NINJ2: variants seen among roughly 807,000 people sequenced by gnomAD.
The protein encoded by NINJ2 is ninjurin 2.
In NINJ2, 12 loss-of-function variants were observed where a neutral mutation model predicts 11.7. That is an observed-to-expected ratio of 1.02 (90% CI 0.66 to 1.66). The LOEUF is 1.66. Ranked by LOEUF, NINJ2 falls within the 40% of genes most tolerant of loss-of-function variation. NINJ2 has a pLI of 0.00. For missense variants in NINJ2, 187 were observed against 181.8 expected, an observed-to-expected ratio of 1.03 and a Z score of -0.16; for synonymous variants, 93 against 76.8, an observed-to-expected ratio of 1.21 and a Z score of -1.10.
intron 1 of NINJ2, among the ~76,000 whole-genome samples, chr12:652,510 C>A (rs1296533626): frequency 1.3e-5 from 2 of 152,060 alleles, no homozygotes; most frequent in Admixed American, 1.3e-4. Flanking sequence ...GCAGGCAGAT[C>A]ACTTGAGGCC....
chr12:642,683 G>C (rs558499052), intron 1 of NINJ2: 1 of 152,524 alleles, frequency 6.6e-6, no homozygotes, highest in Admixed American at 6.5e-5. Context: ...GGGAGTGGGG[G>C]ATCCGGGGGA....
intron 1 of NINJ2, among the ~76,000 whole-genome samples, chr12:655,637 G>A (rs1366813752): frequency 6.6e-6 from 1 of 152,204 alleles, no homozygotes; most frequent in African/African-American, 2.4e-5. Context: ...AAGGGGACAA[G>A]CGCGGTGGCT....
At chr12:601,548 CAAA>C (rs1170244744) in intron 1 of NINJ2, among the ~76,000 whole-genome samples, 1 of 140,130 alleles carries the variant, frequency 7.1e-6, no homozygotes, top group African/African-American at 2.7e-5. Context: ...GACTCCGTCT[CAAA>C]AAAAAAAAAA....
chr12:571,970 C>T lies in NINJ2; in HGVS notation c.34-5792G>A, dbSNP rs1020527581. ...GGGCCTGTGGCAGGCAGTGTGTGTC[C>T]CAAGGGAAGTATAGGCATGGTGAGG... On this transcript the variant is annotated intron_variant, in intron 1 of 3. Coordinates refer to ENST00000305108, the MANE Select transcript of NINJ2 (RefSeq NM_016533.6). 3.3e-5 allele frequency among the ~76,000 whole-genome samples: 5 copies of T among 152,156 alleles called. No individual in the cohort carries two copies. The East Asian group carries it at 7.7e-4, about 23-fold the overall frequency.
At chr12:631,063 C>T (rs1384190998) in intron 1 of NINJ2, 1 of 152,236 alleles carries the variant, frequency 6.6e-6, no homozygotes, top group African/African-American at 2.4e-5. Flanking sequence ...GGGGAGTGGG[C>T]TCAGTAATGG....
rs1164230214 is a variant in NINJ2, at chr12:657,988, C to CTTTT, written c.33+5336_33+5339dup. Among the ~76,000 whole-genome samples, 19 of 54,396 alleles carry CTTTT rather than the reference C, an allele frequency of 3.5e-4. 1 individual carries two copies. The highest frequency in any genetic ancestry group is 6.7e-4 in the African/African-American group (9 of 13,416). The allele number at this position is 54,396 out of a possible 152,430, so 35.7% of individuals were successfully genotyped here. Reference sequence around the variant, plus strand: ...GTGTTTACACAAAAACCTACACAGGCTTTTTTTTTTTTTTTTTTTTTTTTT... The same window carrying CTTTT: ...GTGTTTACACAAAAACCTACACAGGCTTTTTTTTTTTTTTTTTTTTTTTTTTTTT... On this transcript the variant is annotated intron_variant, in intron 1 of 3. Coordinates refer to ENST00000305108, the MANE Select transcript of NINJ2 (RefSeq NM_016533.6).
chr12:629,358 G>C (rs908075480), intron 1 of NINJ2, among the ~76,000 whole-genome samples: 5 of 152,164 alleles, frequency 3.3e-5, no homozygotes, highest in Non-Finnish European at 4.4e-5. Context: ...AGGCAGTCTG[G>C]CTCTGTTCTC....
chr12:614,162 C>G lies in NINJ2; in HGVS notation c.34-47984G>C, dbSNP rs1169978381. 6.6e-6 allele frequency among the ~76,000 whole-genome samples: 1 copy of G among 152,174 alleles called. No homozygotes were observed. Among genetic ancestry groups the G allele is most frequent in the Non-Finnish European group, 1.5e-5 (1 of 68,032 alleles). On this transcript the variant is annotated intron_variant, in intron 1 of 3. Transcript: ENST00000305108. The surrounding 1 kb of genome is among the most constrained non-coding windows in gnomAD (Gnocchi z 5.1). ...ATGTCCTACTGCCTCCTAAAGAAGA[C>G]CATCCTTAGCGATGGTTGCTGCCTT... is the stretch of plus-strand genomic sequence containing the variant.
intron 1 of NINJ2, among the ~76,000 whole-genome samples, chr12:613,809 GCAGGAGAATGGCGTGAACC>G (rs1180532087): frequency 1.3e-5 from 2 of 152,162 alleles, no homozygotes; most frequent in South Asian, 2.1e-4. Context: ...GGAGGCTGAG[GCAGGAGAATGGCGTGAACC>G]CAGGAGATGG....
chr12:575,088 C>T (rs557305007), intron 1 of NINJ2, among the ~76,000 whole-genome samples: 1 of 152,334 alleles, frequency 6.6e-6, no homozygotes, highest in African/African-American at 2.4e-5. Flanking sequence ...GAAGTAGGCA[C>T]CATTTATGGT....
intron 1 of NINJ2, among the ~76,000 whole-genome samples, chr12:602,500 ATATACATTTTGCT>A (rs1317611458): frequency 6.6e-6 from 1 of 152,204 alleles, no homozygotes; most frequent in African/African-American, 2.4e-5. Context: ...ATTTCATTGG[ATATACATTTTGCT>A]TATACATTCC....
chr12:589,064 A>G (rs1947683349), intron 1 of NINJ2, among the ~76,000 whole-genome samples: 1 of 152,182 alleles, frequency 6.6e-6, no homozygotes, highest in Non-Finnish European at 1.5e-5. Context: ...CCCACAGAAA[A>G]TGCTCCCCAA....
At chr12:569,177 A>AG (rs1237224811) in intron 1 of NINJ2, among the ~76,000 whole-genome samples, 7 of 152,214 alleles carry the variant, frequency 4.6e-5, no homozygotes, top group Admixed American at 6.5e-5. Flanking sequence ...CACGGCGTTC[A>AG]GGGCCTTTGG....
Position 591,783 on chromosome 12 carries a change from C to T in NINJ2, c.34-25605G>A, listed in dbSNP as rs530592988. Among the ~76,000 whole-genome samples, 15 of 152,228 alleles carry T rather than the reference C, an allele frequency of 9.9e-5. No homozygotes were observed. Among genetic ancestry groups the T allele is most frequent in the African/African-American group, 3.6e-4 (15 of 41,518 alleles). On this transcript the variant is annotated intron_variant, in intron 1 of 3. Coordinates refer to ENST00000305108, the MANE Select transcript of NINJ2 (RefSeq NM_016533.6). This position sits in a 1 kb window ranked among gnomAD's most constrained non-coding sequence, Gnocchi z 5.0. ...ACTTTGTGGGAGCTGGCTGCAAGGG[C>T]CAAGGGTGTTTCTTTAGAGATATTT... is the stretch of plus-strand genomic sequence containing the variant.
At chr12:651,211 G>A (rs1441965312) in intron 1 of NINJ2, among the ~76,000 whole-genome samples, 1 of 152,218 alleles carries the variant, frequency 6.6e-6, no homozygotes, top group Admixed American at 6.5e-5. Context: ...AAGGGAGAAG[G>A]AAACATTTCA....
chr12:595,172 C>T (rs555472660), intron 1 of NINJ2, among the ~76,000 whole-genome samples: 7 of 151,852 alleles, frequency 4.6e-5, no homozygotes, highest in African/African-American at 1.5e-4. Context: ...CAGACCTACA[C>T]GCTTCGCAAA....
intron 1 of NINJ2, among the ~76,000 whole-genome samples, chr12:641,801 C>T (rs1948420360): frequency 6.7e-6 from 1 of 148,452 alleles, no homozygotes; most frequent in Non-Finnish European, 1.5e-5. Flanking sequence ...GCCGAGATGG[C>T]GCCACTGCAC....
intron 1 of NINJ2, among the ~76,000 whole-genome samples, chr12:649,531 G>GTGTGTATATATA (rs139452771): frequency 7.8e-6 from 1 of 127,698 alleles, no homozygotes; most frequent in South Asian, 2.7e-4. Context: ...GTGTATATGT[G>GTGTGTATATATA]TATATATATA....
intron 1 of NINJ2, among the ~76,000 whole-genome samples, chr12:600,061 C>T (rs1371463074): frequency 6.6e-6 from 1 of 152,158 alleles, no homozygotes. Context: ...CACATTTACT[C>T]CTTTACTCCT....
Sources: gnomAD v4.1 joint callset for allele counts (sites outside exome capture counted in the v4.1 genomes callset) on GRCh38, gnomAD v4.1.1 for gene constraint, Gnocchi (gnomAD v3.1) non-coding constraint, MANE v1.5 for transcripts, NCBI Gene and HGNC (gene_info 2026-07-23, HGNC 2026-07-21) for gene names.